Variants in STK32B observed in about 807,000 individuals in gnomAD.
The protein encoded by STK32B is serine/threonine-protein kinase 32B.
In STK32B, 43 loss-of-function variants were observed where a neutral mutation model predicts 52.6. That is an observed-to-expected ratio of 0.82 (90% CI 0.64 to 1.05). The LOEUF is 1.05. STK32B is among the 50% of genes least tolerant of loss of function. The pLI, the probability that STK32B is intolerant of heterozygous loss-of-function variation, is 0.00. For synonymous variants in STK32B, 238 were observed against 204.3 expected (o/e 1.17, Z -1.41); for missense variants, 621 against 534.6 (o/e 1.16, Z -1.59).
chr4:5,411,929 T>TA (rs1711722952), intron 5 of STK32B, among the ~76,000 whole-genome samples: 2 of 152,266 alleles, frequency 1.3e-5, no homozygotes, highest in Admixed American at 6.5e-5. Flanking sequence ...GTAGTGGAAG[T>TA]ATGAGCGCAA....
chr4:5,431,041 G>GGGGATCTTA (rs1713532457), intron 6 of STK32B, among the ~76,000 whole-genome samples: 1 of 152,176 alleles, frequency 6.6e-6, no homozygotes, highest in Non-Finnish European at 1.5e-5. Flanking sequence ...AATGGGTCTT[G>GGGGATCTTA]GGGATCTTAG....
chr4:5,483,175 C>T (rs919180014), intron 11 of STK32B, among the ~76,000 whole-genome samples: 2 of 151,876 alleles, frequency 1.3e-5, no homozygotes, highest in East Asian at 3.9e-4. Flanking sequence ...CCAGTTCCTC[C>T]TTGTACCTCT....
chr4:5,068,961 A>G (rs994277614), intron 1 of STK32B, among the ~76,000 whole-genome samples: 62 of 152,186 alleles, frequency 4.1e-4, no homozygotes, highest in African/African-American at 1.4e-3. Flanking sequence ...AATTTCCAGT[A>G]TATAGTATGT....
At chr4:5,480,601 C>CT (rs758868968) in intron 11 of STK32B, among the ~76,000 whole-genome samples, 35 of 151,466 alleles carry the variant, frequency 2.3e-4, no homozygotes, top group Admixed American at 4.0e-4. Context: ...TTTCATTATA[C>CT]TTTAAGTTTT....
At chr4:5,226,899 T>C (rs933344639) in intron 3 of STK32B, among the ~76,000 whole-genome samples, 6 of 152,234 alleles carry the variant, frequency 3.9e-5, no homozygotes, top group Non-Finnish European at 8.8e-5. Context: ...GTGGGACTAC[T>C]GTAACATAAT....
intron 3 of STK32B, among the ~76,000 whole-genome samples, chr4:5,299,274 T>A (rs1013523625): frequency 1.1e-4 from 16 of 152,242 alleles, no homozygotes; most frequent in Admixed American, 9.2e-4. Context: ...TTTTATCTTT[T>A]TTTAAAATCC....
At chr4:5,109,552 A>G (rs1266627805) in intron 1 of STK32B, among the ~76,000 whole-genome samples, 1 of 152,230 alleles carries the variant, frequency 6.6e-6, no homozygotes, top group African/African-American at 2.4e-5. Context: ...GCAGATTGAT[A>G]AAAAGCTGGA....
At chr4:5,261,180 A>T (rs1371361836) in intron 3 of STK32B, among the ~76,000 whole-genome samples, 1 of 152,088 alleles carries the variant, frequency 6.6e-6, no homozygotes, top group Non-Finnish European at 1.5e-5. Context: ...CCTTCACTAC[A>T]GCCTGGCCCT....
intron 1 of STK32B, among the ~76,000 whole-genome samples, chr4:5,136,125 A>G (rs1050451332): frequency 6.6e-6 from 1 of 152,150 alleles, no homozygotes; most frequent in African/African-American, 2.4e-5. Flanking sequence ...ACTATTGGGG[A>G]TTATCATTCA....
chr4:5,411,049 T>TG (rs1011865124), intron 5 of STK32B, among the ~76,000 whole-genome samples: 13 of 151,880 alleles, frequency 8.6e-5, no homozygotes, highest in Non-Finnish European at 1.9e-4. Flanking sequence ...TTTTTTTTTT[T>TG]TTTTGAGATG....
intron 3 of STK32B, among the ~76,000 whole-genome samples, chr4:5,198,073 A>G (rs1449532773): frequency 6.6e-6 from 1 of 152,112 alleles, no homozygotes; most frequent in African/African-American, 2.4e-5. Flanking sequence ...ACTACCCCCT[A>G]TGATGAACTG....
chr4:5,407,870 T>C (rs1456703744), intron 5 of STK32B, among the ~76,000 whole-genome samples: 1 of 152,100 alleles, frequency 6.6e-6, no homozygotes, highest in Admixed American at 6.5e-5. Context: ...ACGTAAACCG[T>C]ATCAGAGGCC....
chr4:5,401,265 C>A (rs1737275881), intron 5 of STK32B, among the ~76,000 whole-genome samples: 1 of 152,196 alleles, frequency 6.6e-6, no homozygotes, highest in South Asian at 2.1e-4. Flanking sequence ...CTGGCATCTA[C>A]TTGCACCTTT....
At chr4:5,121,603 G>A (rs1715027541) in intron 1 of STK32B, among the ~76,000 whole-genome samples, 1 of 152,208 alleles carries the variant, frequency 6.6e-6, no homozygotes, top group African/African-American at 2.4e-5. Flanking sequence ...ATAACAGCAG[G>A]CATAATTTGT....
intron 2 of STK32B, among the ~76,000 whole-genome samples, chr4:5,165,674 G>C (rs1245551367): frequency 1.3e-5 from 2 of 152,098 alleles, no homozygotes; most frequent in African/African-American, 2.4e-5. Flanking sequence ...TCAGAGCCTG[G>C]TGCCCGGGCC....
At chr4:5,093,764 C>T (rs1037265130) in intron 1 of STK32B, among the ~76,000 whole-genome samples, 2 of 152,020 alleles carry the variant, frequency 1.3e-5, no homozygotes, top group African/African-American at 4.8e-5. Context: ...AGTTTGTTGC[C>T]CCTCTAAATG....
intron 3 of STK32B, among the ~76,000 whole-genome samples, chr4:5,314,184 T>C (rs1031536876): frequency 2.6e-5 from 4 of 151,988 alleles, no homozygotes; most frequent in African/African-American, 9.7e-5. Flanking sequence ...ACTGTAGTAA[T>C]CAAGACAATG....
At chr4:5,069,845 C>T (rs1306570495) in intron 1 of STK32B, among the ~76,000 whole-genome samples, 2 of 152,176 alleles carry the variant, frequency 1.3e-5, no homozygotes, top group African/African-American at 4.8e-5. Flanking sequence ...TGTGTGTGGG[C>T]TATGTTACCT....
upstream of STK32B, among the ~76,000 whole-genome samples, chr4:5,046,782 A>T (rs1027639790): frequency 5.9e-5 from 9 of 152,218 alleles, no homozygotes; most frequent in African/African-American, 1.7e-4. Flanking sequence ...TCAAAACCAC[A>T]ATGAGATACC....
Sources: gnomAD v4.1 joint callset for allele counts (sites outside exome capture counted in the v4.1 genomes callset) on GRCh38, gnomAD v4.1.1 for gene constraint, MANE v1.5 for transcripts, NCBI Gene and HGNC (gene_info 2026-07-23, HGNC 2026-07-21) for gene names.